PPFIA2: variants seen among roughly 807,000 people sequenced by gnomAD.
PPFIA2 encodes PPFI scaffold protein A2.
A neutral mutation model predicts 175.5 loss-of-function variants in PPFIA2; 46 were observed. That is an observed-to-expected ratio of 0.26 (90% CI 0.21 to 0.34). The LOEUF (loss-of-function observed/expected upper bound fraction) is 0.34. Among genes scored for constraint, PPFIA2 ranks in the 10% least tolerant of loss-of-function variants. The pLI, the probability that PPFIA2 is intolerant of heterozygous loss-of-function variation, is 1.00. For missense variants in PPFIA2, 1,179 were observed against 1,506.1 expected (o/e 0.78, Z 3.60); for synonymous variants, 568 against 511.4 (o/e 1.11, Z -1.49).
intron 16 of PPFIA2, 142 bp downstream of exon 16, chr12:81,357,940 G>T (rs1329474640): frequency 2.4e-5 from 21 of 875,862 alleles, no homozygotes; most frequent in Non-Finnish European, 3.4e-5. Context: ...GTTACTTATA[G>T]TTTTTTTAAA....
chr12:81,408,475 A>G (rs1522314), intron 7 of PPFIA2, among the ~76,000 whole-genome samples: 1 of 152,016 alleles, frequency 6.6e-6, no homozygotes, highest in South Asian at 2.1e-4. Context: ...TTTAACTCTC[A>G]GCTTACAGAT....
intron 4 of PPFIA2, among the ~76,000 whole-genome samples, chr12:81,655,641 T>C (rs184426607): frequency 6.6e-6 from 1 of 152,106 alleles, no homozygotes; most frequent in Admixed American, 6.6e-5. Flanking sequence ...TGTTAACTAC[T>C]AGCTGAACTC....
At chr12:81,456,400 T>C (rs1408806760) in intron 5 of PPFIA2, among the ~76,000 whole-genome samples, 1 of 152,198 alleles carries the variant, frequency 6.6e-6, no homozygotes, top group Non-Finnish European at 1.5e-5. Flanking sequence ...GAATTCTCTT[T>C]ACCATGAAAT....
chr12:81,318,737 A>G (rs2052985356), intron 22 of PPFIA2, among the ~76,000 whole-genome samples: 1 of 151,838 alleles, frequency 6.6e-6, no homozygotes, highest in South Asian at 2.1e-4. Context: ...CTTGTAAATA[A>G]GAACATTAGG....
intron 4 of PPFIA2, among the ~76,000 whole-genome samples, chr12:81,549,748 T>C (rs1397237730): frequency 6.6e-6 from 1 of 151,964 alleles, no homozygotes; most frequent in African/African-American, 2.4e-5. Context: ...TATAAGGCAT[T>C]CTTATTTTAA....
At chr12:81,383,264 T>C (rs921010490) in intron 9 of PPFIA2, among the ~76,000 whole-genome samples, 2 of 152,058 alleles carry the variant, frequency 1.3e-5, no homozygotes, top group African/African-American at 4.8e-5. Flanking sequence ...TAAAAATACA[T>C]TTAAAAGAAT....
At chr12:81,580,733 T>C (rs2074277593) in intron 4 of PPFIA2, among the ~76,000 whole-genome samples, 2 of 151,766 alleles carry the variant, frequency 1.3e-5, no homozygotes, top group Non-Finnish European at 2.9e-5. Context: ...ATAGAAACGA[T>C]GTCAACTTTA....
At chr12:81,426,251 T>C (rs1301808902) in intron 7 of PPFIA2, among the ~76,000 whole-genome samples, 9 of 152,170 alleles carry the variant, frequency 5.9e-5, no homozygotes, top group Admixed American at 5.9e-4. Flanking sequence ...TCTAGAAGGG[T>C]AATACGTCCT....
chr12:81,664,025 T>C (rs890000074), intron 4 of PPFIA2, among the ~76,000 whole-genome samples: 5 of 152,140 alleles, frequency 3.3e-5, no homozygotes, highest in Non-Finnish European at 5.9e-5. Context: ...TTACACCTTA[T>C]ACAAAAATAA....
At chr12:81,598,046 G>A in intron 4 of PPFIA2, 1 of 1,534,754 alleles carries the variant, frequency 6.5e-7, no homozygotes, top group South Asian at 1.2e-5. Context: ...TGATCACTGA[G>A]ACAATATAAT....
intron 7 of PPFIA2, among the ~76,000 whole-genome samples, chr12:81,410,861 C>T (rs2043830010): frequency 1.3e-5 from 2 of 152,032 alleles, no homozygotes; most frequent in South Asian, 4.1e-4. Context: ...GTACTCTTTG[C>T]CATTAATTCC....
chr12:81,409,465 AG>A (rs1393168707), intron 7 of PPFIA2, among the ~76,000 whole-genome samples: 2 of 151,936 alleles, frequency 1.3e-5, no homozygotes, highest in African/African-American at 4.8e-5. Flanking sequence ...TTATCATTGG[AG>A]TGGGTTCTGG....
At chr12:81,372,624 G>C (rs1395712496) in intron 11 of PPFIA2, among the ~76,000 whole-genome samples, 1 of 148,110 alleles carries the variant, frequency 6.8e-6, no homozygotes, top group Non-Finnish European at 1.5e-5. Flanking sequence ...AGGAATGAAA[G>C]AGTGATCCTC....
At chr12:81,605,378 G>T (rs1464142072) in intron 4 of PPFIA2, among the ~76,000 whole-genome samples, 1 of 151,758 alleles carries the variant, frequency 6.6e-6, no homozygotes, top group African/African-American at 2.4e-5. Context: ...AGAGACAGAT[G>T]AAAGTAGGTA....
At chr12:81,722,022 A>C (rs2079420714) in intron 3 of PPFIA2, among the ~76,000 whole-genome samples, 1 of 151,108 alleles carries the variant, frequency 6.6e-6, no homozygotes, top group Non-Finnish European at 1.5e-5. Context: ...ACATTAGTTT[A>C]GATATCTGAT....
chr12:81,531,358 G>T (rs1567209197), intron 4 of PPFIA2, among the ~76,000 whole-genome samples: 1 of 151,642 alleles, frequency 6.6e-6, no homozygotes, highest in Non-Finnish European at 1.5e-5. Flanking sequence ...AAATCACTAG[G>T]GTAGAAGTAT....
chr12:81,382,692 AC>A (rs1430645705), intron 9 of PPFIA2, among the ~76,000 whole-genome samples: 4 of 152,162 alleles, frequency 2.6e-5, no homozygotes, highest in Non-Finnish European at 5.9e-5. Context: ...GATAAGGAAG[AC>A]TGCAGGAGGG....
intron 1 of PPFIA2, 71 bp from the exon 2 acceptor site, chr12:81,758,578 C>A (rs905622332): frequency 8.2e-6 from 3 of 367,538 alleles, no homozygotes; most frequent in African/African-American, 6.3e-5. Flanking sequence ...GTGCCCCGGC[C>A]CGGTGGCGTG....
intron 28 of PPFIA2, among the ~76,000 whole-genome samples, chr12:81,273,002 G>A (rs1437358252): frequency 3.9e-5 from 6 of 152,094 alleles, no homozygotes. Context: ...AGCCTGATCT[G>A]TTTAAGTTTA....
Sources: gnomAD v4.1 joint callset for allele counts (sites outside exome capture counted in the v4.1 genomes callset) on GRCh38, gnomAD v4.1.1 for gene constraint, MANE v1.5 for transcripts, NCBI Gene and HGNC (gene_info 2026-07-23, HGNC 2026-07-21) for gene names.